The following FSTL5 variants were observed in gnomAD, a reference collection of about 807,000 sequenced individuals.
FSTL5 encodes the protein follistatin like 5.
FSTL5 carries 62 observed loss-of-function variants against 89.1 expected under a neutral mutation model. That is an observed-to-expected ratio of 0.70 (90% CI 0.57 to 0.86). The LOEUF is 0.86. Among genes scored for constraint, FSTL5 ranks in the 40% least tolerant of loss-of-function variants. The probability of loss-of-function intolerance (pLI) is 0.00; values close to 1 mark genes in which losing one functional copy is unlikely to be tolerated. For missense variants in FSTL5, 1,057 were observed against 1,001.6 expected (o/e 1.06, Z -0.75); for synonymous variants, 383 against 346.2 (o/e 1.11, Z -1.18).
chr4:161,886,370 A>C (rs1732806839), intron 4 of FSTL5, among the ~76,000 whole-genome samples: 1 of 152,228 alleles, frequency 6.6e-6, no homozygotes. Flanking sequence ...AAACTGTTAC[A>C]TAACATCATT....
At chr4:161,647,092 G>T (rs747325242) in intron 7 of FSTL5, among the ~76,000 whole-genome samples, 7 of 152,100 alleles carry the variant, frequency 4.6e-5, no homozygotes, top group Admixed American at 1.3e-4. Flanking sequence ...ATGCCATGAG[G>T]CTTTTCCCTT....
chr4:161,706,442 C>T (rs1282243329), intron 6 of FSTL5, among the ~76,000 whole-genome samples: 1 of 151,734 alleles, frequency 6.6e-6, no homozygotes, highest in African/African-American at 2.4e-5. Flanking sequence ...TATATAAAAA[C>T]GTTATTGAAT....
chr4:161,797,381 TAAATTAGGA>T, intron 4 of FSTL5, among the ~76,000 whole-genome samples: 1 of 151,782 alleles, frequency 6.6e-6, no homozygotes, highest in Non-Finnish European at 1.5e-5. Flanking sequence ...ACAATTACAG[TAAATTAGGA>T]ACTGTAACAT....
At chr4:161,595,704 G>T (rs751340669) in intron 7 of FSTL5, among the ~76,000 whole-genome samples, 8 of 151,802 alleles carry the variant, frequency 5.3e-5, no homozygotes, top group Non-Finnish European at 7.4e-5. Flanking sequence ...TAAAAACCAG[G>T]TACTGATTAT....
chr4:161,886,241 T>C (rs1403658770), intron 4 of FSTL5, among the ~76,000 whole-genome samples: 2 of 152,188 alleles, frequency 1.3e-5, no homozygotes, highest in Non-Finnish European at 2.9e-5. Flanking sequence ...AACTCAAACC[T>C]GGGAGGTCAG....
At chr4:162,130,703 T>G (rs1389045879) in intron 1 of FSTL5, among the ~76,000 whole-genome samples, 1 of 150,418 alleles carries the variant, frequency 6.6e-6, no homozygotes, top group African/African-American at 2.5e-5. Context: ...ACATAGCTTA[T>G]ATGAATAATT....
At chr4:161,760,428 T>C (rs529162660) in intron 5 of FSTL5, among the ~76,000 whole-genome samples, 2 of 152,208 alleles carry the variant, frequency 1.3e-5, no homozygotes, top group East Asian at 3.9e-4. Context: ...TTAAAAGTGG[T>C]GCGGTATAAT....
intron 8 of FSTL5, among the ~76,000 whole-genome samples, chr4:161,549,944 A>C (rs1295269618): frequency 6.6e-6 from 1 of 151,918 alleles, no homozygotes; most frequent in Non-Finnish European, 1.5e-5. Flanking sequence ...CTCCAGACTT[A>C]CTAAAACTAT....
At chr4:161,793,341 A>G (rs1433281506) in intron 4 of FSTL5, among the ~76,000 whole-genome samples, 2 of 152,232 alleles carry the variant, frequency 1.3e-5, no homozygotes, top group African/African-American at 4.8e-5. Context: ...CCATGGCAAC[A>G]GAGGTTTCCA....
chr4:161,694,000 T>C (rs1023654587), intron 6 of FSTL5, among the ~76,000 whole-genome samples: 1 of 152,160 alleles, frequency 6.6e-6, no homozygotes, highest in Non-Finnish European at 1.5e-5. Flanking sequence ...TTATTTATTT[T>C]AGTTATTTGC....
chr4:161,653,434 C>G (rs1431077878), intron 7 of FSTL5, among the ~76,000 whole-genome samples: 1 of 152,056 alleles, frequency 6.6e-6, no homozygotes, highest in East Asian at 1.9e-4. Flanking sequence ...GTGTTACAGC[C>G]TTATTTACGT....
intron 7 of FSTL5, among the ~76,000 whole-genome samples, chr4:161,652,330 G>C (rs892948009): frequency 1.3e-5 from 2 of 152,128 alleles, no homozygotes; most frequent in Non-Finnish European, 2.9e-5. Context: ...AGCTACTTGG[G>C]AGGTTGAGGT....
At chr4:161,946,940 CTGTTG>C (rs1425076026) in intron 3 of FSTL5, among the ~76,000 whole-genome samples, 1 of 152,094 alleles carries the variant, frequency 6.6e-6, no homozygotes, top group African/African-American at 2.4e-5. Context: ...CGGTATCTTA[CTGTTG>C]TGTTAATTTT....
chr4:161,731,557 T>G (rs1381488159), intron 6 of FSTL5, among the ~76,000 whole-genome samples: 2 of 152,006 alleles, frequency 1.3e-5, no homozygotes, highest in Non-Finnish European at 2.9e-5. Flanking sequence ...GTAAGTTTCC[T>G]GAGGCCTCCT....
chr4:161,422,901 G>A (rs1329484710), intron 15 of FSTL5, among the ~76,000 whole-genome samples: 1 of 152,154 alleles, frequency 6.6e-6, no homozygotes, highest in Non-Finnish European at 1.5e-5. Context: ...TATCTATTTG[G>A]AAAGGCATTT....
intron 11 of FSTL5, among the ~76,000 whole-genome samples, chr4:161,503,379 T>C (rs559795251): frequency 3.0e-4 from 46 of 151,910 alleles, no homozygotes; most frequent in Non-Finnish European, 5.0e-4. Flanking sequence ...TAAATTTTAA[T>C]TTTCTATGAT....
chr4:162,097,195 T>G (rs1579024574), intron 2 of FSTL5, among the ~76,000 whole-genome samples: 1 of 151,876 alleles, frequency 6.6e-6, no homozygotes, highest in East Asian at 1.9e-4. Flanking sequence ...AATACTGTTT[T>G]AAATCTTAAA....
intron 13 of FSTL5, among the ~76,000 whole-genome samples, chr4:161,478,927 T>C (rs961801017): frequency 6.6e-6 from 1 of 152,042 alleles, no homozygotes; most frequent in African/African-American, 2.4e-5. Flanking sequence ...AAAGCACAAA[T>C]AGCCAGATTC....
intron 3 of FSTL5, among the ~76,000 whole-genome samples, chr4:161,995,442 T>C (rs963026061): frequency 6.6e-6 from 1 of 152,116 alleles, no homozygotes; most frequent in Non-Finnish European, 1.5e-5. Flanking sequence ...GATATTAATA[T>C]GTCAAATCTC....
Sources: allele counts gnomAD v4.1 joint callset (sites outside exome capture counted in the v4.1 genomes callset), GRCh38; gene constraint gnomAD v4.1.1; transcripts MANE v1.5; gene names NCBI Gene and HGNC (gene_info 2026-07-23, HGNC 2026-07-21).